ERH: variants seen among roughly 807,000 people sequenced by gnomAD.
The protein encoded by ERH is ERH mRNA splicing and mitosis factor.
In ERH, 1 loss-of-function variant was observed where a neutral mutation model predicts 16.8. The observed-to-expected ratio is 0.06, with a 90% CI of 0.02 to 0.28. ERH has a LOEUF of 0.28. Among genes scored for constraint, ERH ranks in the 10% least tolerant of loss-of-function variants. ERH has a pLI of 1.00. For synonymous variants in ERH, 43 were observed against 43.6 expected (o/e 0.99, Z 0.05); for missense variants, 42 against 127.5 (o/e 0.33, Z 3.23).
Position 69,398,293 on chromosome 14 carries a change from C to G in ERH, c.-60G>C. On this transcript the variant is annotated 5_prime_UTR_variant, in exon 1 of 4. Transcript: ENST00000557016. ...CACCGCCGCCGTTACACGAGCTTAA[C>G]TACAACGCCGCTAACAGCCAATCCT... 1 of 1,612,630 alleles carries G rather than the reference C, an allele frequency of 6.2e-7. No individual in the cohort carries two copies. The highest frequency in any genetic ancestry group is 2.2e-5 in the East Asian group (1 of 44,842).
chr14:69,389,275 C>T (rs949811133), intron 2 of ERH, among the ~76,000 whole-genome samples: 17 of 152,198 alleles, frequency 1.1e-4, no homozygotes, highest in Admixed American at 5.2e-4. Context: ...GATCCACCCG[C>T]GTCGGCCTCC....
intron 2 of ERH, 32 bp downstream of exon 2, chr14:69,394,793 T>C (rs573876054): frequency 1.3e-6 from 2 of 1,535,192 alleles, no homozygotes; most frequent in Admixed American, 1.9e-5. Context: ...AAATGAGACA[T>C]TTTTCTACCC....
At chr14:69,383,660 G>C (rs189684676) in intron 3 of ERH, among the ~76,000 whole-genome samples, 38 of 152,060 alleles carry the variant, frequency 2.5e-4, no homozygotes, top group African/African-American at 8.4e-4. Flanking sequence ...GATAATTTAC[G>C]GTTTTTAACA....
At chr14:69,389,151 C>A (rs1421960785) in intron 2 of ERH, among the ~76,000 whole-genome samples, 8 of 151,964 alleles carry the variant, frequency 5.3e-5, no homozygotes, top group Non-Finnish European at 8.8e-5. Context: ...CTCAGCCTCC[C>A]GAGTAGCTGA....
chr14:69,390,821 C>T (rs2045920045), intron 2 of ERH, among the ~76,000 whole-genome samples: 1 of 152,128 alleles, frequency 6.6e-6, no homozygotes, highest in African/African-American at 2.4e-5. Context: ...AAAACTTAAC[C>T]ATAATCACTC....
intron 2 of ERH, among the ~76,000 whole-genome samples, chr14:69,392,259 G>A (rs750294768): frequency 2.3e-4 from 34 of 150,944 alleles, no homozygotes; most frequent in Non-Finnish European, 4.1e-4. Context: ...CACATCATGT[G>A]AGAACTTATT....
At chr14:69,382,637 T>A (rs1039975371) in intron 3 of ERH, among the ~76,000 whole-genome samples, 2 of 149,640 alleles carry the variant, frequency 1.3e-5, no homozygotes, top group African/African-American at 2.5e-5. Flanking sequence ...ATCAAGACCA[T>A]CCTGACCAAC....
chr14:69,384,092 C>A (rs186927142), intron 3 of ERH, among the ~76,000 whole-genome samples: 26 of 152,268 alleles, frequency 1.7e-4, no homozygotes, highest in Admixed American at 1.7e-3. Flanking sequence ...TTACTCTGCT[C>A]AATTTTCATA....
At chr14:69,387,175 C>A in intron 2 of ERH, 92 bp from the exon 3 acceptor site, 1 of 999,916 alleles carries the variant, frequency 1.0e-6, no homozygotes, top group Admixed American at 2.4e-5. Context: ...ATGTTGATAT[C>A]ATATTTACTT....
Position 69,384,979 on chromosome 14 carries a change from T to C in ERH, c.212+1984A>G, listed in dbSNP as rs1290964347. 2.0e-5 allele frequency among the ~76,000 whole-genome samples: 3 copies of C among 152,192 alleles called. No individual in the cohort carries two copies. The East Asian group carries it at 5.8e-4, about 29-fold the overall frequency. ...ATTTCCAACTACTTCAATTTCCTAATTTCAAGCATGTCATTCTCTGATCAC... is the reference window on the plus strand; with the variant it reads ...ATTTCCAACTACTTCAATTTCCTAACTTCAAGCATGTCATTCTCTGATCAC... On this transcript the variant is annotated intron_variant, in intron 3 of 3. Coordinates refer to ENST00000557016, the MANE Select transcript of ERH (RefSeq NM_004450.3).
chr14:69,389,792 GAC>G (rs2045914224), intron 2 of ERH, among the ~76,000 whole-genome samples: 2 of 152,136 alleles, frequency 1.3e-5, no homozygotes, highest in Admixed American at 1.3e-4. Flanking sequence ...TTTCCCTTGA[GAC>G]ACAGTCTCAT....
At chr14:69,388,006 C>T (rs2045902725) in intron 2 of ERH, among the ~76,000 whole-genome samples, 1 of 152,206 alleles carries the variant, frequency 6.6e-6, no homozygotes, top group African/African-American at 2.4e-5. Context: ...AGATCGGCCA[C>T]TGCACTCCAG....
In ERH at chr14:69,381,204, C is replaced by T. The variant is rs375056247; in HGVS notation, c.213-564G>A. Among the ~76,000 whole-genome samples the T allele has an allele frequency of 1.1e-3, 160 of 152,110 alleles. 4 individuals are homozygous for T. The South Asian group carries it at 0.032, about 31-fold the overall frequency. The stretch of plus-strand genomic sequence containing the variant: ...GCTGAGGCAAGGGAATTGCTTCAAC[C>T]GGTGGAGGATGCAGTGAGCCGAGAT... On this transcript the variant is annotated intron_variant, in intron 3 of 3. Transcript: ENST00000557016.
At chr14:69,394,040 C>A (rs1476753408) in intron 2 of ERH, among the ~76,000 whole-genome samples, 1 of 150,768 alleles carries the variant, frequency 6.6e-6, no homozygotes, top group Non-Finnish European at 1.5e-5. Flanking sequence ...AAAAAAAAGG[C>A]CCAGACTTTA....
At chr14:69,395,791 C>T (rs1882320279) in intron 1 of ERH, among the ~76,000 whole-genome samples, 1 of 152,190 alleles carries the variant, frequency 6.6e-6, no homozygotes, top group Admixed American at 6.6e-5. Context: ...GATGACTTGC[C>T]TTACTGGGCT....
chr14:69,381,583 A>G (rs544162103), intron 3 of ERH, among the ~76,000 whole-genome samples: 4 of 152,252 alleles, frequency 2.6e-5, no homozygotes, highest in African/African-American at 9.6e-5. Context: ...ATCTAGTAAG[A>G]TGTCACAGAG....
intron 3 of ERH, 22 bp from the exon 4 acceptor site, chr14:69,380,662 G>A: frequency 7.0e-7 from 1 of 1,438,664 alleles, no homozygotes; most frequent in Non-Finnish European, 9.8e-7. Flanking sequence ...AAGGGAATAA[G>A]CAAAGTCACA....
At chr14:69,380,963 G>T (rs1594885356) in intron 3 of ERH, among the ~76,000 whole-genome samples, 1 of 152,256 alleles carries the variant, frequency 6.6e-6, no homozygotes, top group East Asian at 1.9e-4. Context: ...CTATTTTTAT[G>T]GTTCCTTTAG....
intron 2 of ERH, 125 bp from the exon 3 acceptor site, chr14:69,387,208 A>G: frequency 1.4e-6 from 1 of 690,326 alleles, no homozygotes. Flanking sequence ...GCTGGGGAAA[A>G]GATGATAGAT....
Sources: gnomAD v4.1 joint callset for allele counts (sites outside exome capture counted in the v4.1 genomes callset) on GRCh38, gnomAD v4.1.1 for gene constraint, MANE v1.5 for transcripts, NCBI Gene and HGNC (gene_info 2026-07-23, HGNC 2026-07-21) for gene names.